The following SENP1 variants were observed in gnomAD, a reference collection of about 807,000 sequenced individuals.
The protein encoded by SENP1 is SUMO specific peptidase 1, also known as sentrin-specific protease 1.
SENP1 carries 21 observed loss-of-function variants against 93.0 expected under a neutral mutation model. That is an observed-to-expected ratio of 0.23 (90% CI 0.16 to 0.33). The LOEUF (loss-of-function observed/expected upper bound fraction) is 0.33, where lower values mean the gene tolerates loss of function less well. Ranked by LOEUF, SENP1 falls within the 10% of genes least tolerant of loss-of-function variation. SENP1 has a pLI of 1.00. For missense variants in SENP1, 591 were observed against 758.7 expected, an observed-to-expected ratio of 0.78 and a Z score of 2.60; for synonymous variants, 256 against 259.6, an observed-to-expected ratio of 0.99 and a Z score of 0.13.
chr12:48,048,700 T>C (rs1941559184), intron 14 of SENP1, among the ~76,000 whole-genome samples: 1 of 152,196 alleles, frequency 6.6e-6, no homozygotes, highest in African/African-American at 2.4e-5. Context: ...AGACACCCTA[T>C]AACTCTCTTT....
chr12:48,075,395 CA>C (rs1191346396), intron 6 of SENP1, among the ~76,000 whole-genome samples: 1 of 151,964 alleles, frequency 6.6e-6, no homozygotes, highest in African/African-American at 2.4e-5. Flanking sequence ...ACTTCTGAGT[CA>C]AAAAAGAGTC....
At chr12:48,085,891 C>T (rs568008165) in intron 5 of SENP1, among the ~76,000 whole-genome samples, 209 of 152,196 alleles carry the variant, frequency 1.4e-3, no homozygotes, top group South Asian at 3.7e-3. Flanking sequence ...ATTTGTGTTT[C>T]CCAGAGTATG....
chr12:48,090,442 C>A (rs1945143583), intron 4 of SENP1, among the ~76,000 whole-genome samples: 1 of 152,162 alleles, frequency 6.6e-6, no homozygotes, highest in South Asian at 2.1e-4. Flanking sequence ...ACAGAGACTG[C>A]AGCTTTAAAA....
intron 6 of SENP1, chr12:48,081,389 C>T (rs888116535): frequency 2.6e-5 from 4 of 151,910 alleles, no homozygotes; most frequent in Non-Finnish European, 4.4e-5. Flanking sequence ...CCCTGTACAA[C>T]GATGACATGA....
intron 13 of SENP1, among the ~76,000 whole-genome samples, chr12:48,061,233 C>T (rs1037915303): frequency 6.6e-6 from 1 of 152,004 alleles, no homozygotes; most frequent in African/African-American, 2.4e-5. Context: ...ATGATAAGAA[C>T]AATGTATCAG....
At chr12:48,081,886 A>G (rs1944516651) in intron 6 of SENP1, among the ~76,000 whole-genome samples, 3 of 148,654 alleles carry the variant, frequency 2.0e-5, no homozygotes, top group Admixed American at 6.7e-5. Flanking sequence ...TTCAATACAA[A>G]CTTTTTTTGT....
intron 3 of SENP1, 29 bp from the exon 4 acceptor site, chr12:48,096,456 T>G: frequency 6.8e-7 from 1 of 1,462,922 alleles, no homozygotes; most frequent in Non-Finnish European, 9.4e-7. Flanking sequence ...TTTTCTTAAG[T>G]CACATTTTTT....
chr12:48,095,485 G>A (rs1448132986), intron 4 of SENP1, among the ~76,000 whole-genome samples: 1 of 145,890 alleles, frequency 6.9e-6, no homozygotes, highest in African/African-American at 2.5e-5. Context: ...GCAGTGAGCT[G>A]AGATCACACC....
At chr12:48,096,959 A>G (rs552652294) in intron 3 of SENP1, among the ~76,000 whole-genome samples, 19 of 152,080 alleles carry the variant, frequency 1.2e-4, no homozygotes, top group Non-Finnish European at 2.8e-4. Flanking sequence ...ACTATAGCAG[A>G]ACTAAGACTA....
At chr12:48,100,551 C>T (rs61918810) in intron 2 of SENP1, among the ~76,000 whole-genome samples, 25,363 of 152,062 alleles carry the variant, frequency 0.17, 2,455 homozygotes, top group East Asian at 0.28. Flanking sequence ...AGGGGGATTG[C>T]TTGAACCCAG....
intron 13 of SENP1, among the ~76,000 whole-genome samples, chr12:48,060,856 G>T (rs868373351): frequency 9.9e-5 from 15 of 152,146 alleles, no homozygotes; most frequent in Non-Finnish European, 1.6e-4. Flanking sequence ...TGTCTTGATT[G>T]TAACAGTCTT....
chr12:48,087,531 T>C (rs1344549435), intron 5 of SENP1, among the ~76,000 whole-genome samples: 5 of 152,122 alleles, frequency 3.3e-5, no homozygotes, highest in African/African-American at 4.8e-5. Context: ...TCATACTATA[T>C]ATGAGTAAGA....
intron 13 of SENP1, among the ~76,000 whole-genome samples, chr12:48,060,559 TA>T (rs1942889293): frequency 6.6e-6 from 1 of 152,216 alleles, no homozygotes; most frequent in Non-Finnish European, 1.5e-5. Context: ...CTTTTGCAAC[TA>T]ATTTTTCCTC....
At chr12:48,079,448 G>A (rs1377584846) in intron 6 of SENP1, among the ~76,000 whole-genome samples, 2 of 152,058 alleles carry the variant, frequency 1.3e-5, no homozygotes, top group Non-Finnish European at 2.9e-5. Flanking sequence ...GCAGTGAGCC[G>A]AGATCGCGCC....
Position 48,046,991 on chromosome 12 carries a change from C to A in SENP1, c.1763G>T (p.Ser588Ile). ...EFDTNGWQLF[S>I]KKSQEIPQQM... ...GATGAAAGGTACCTGGCTTTTCTTG[C>A]TGAAAAGCTGCCAGCCATTGGTGTC... Residue 588 changes from serine to isoleucine, a missense_variant, in exon 16 of 18, where the codon AGC becomes ATC. Ser to Ile is a moderately radical substitution (Grantham distance 142). This residue lies in a region of SENP1 where 132 missense variants were observed against 230.1 expected (regional missense o/e 0.57). Coordinates refer to ENST00000549518, the MANE Select transcript of SENP1 (RefSeq NM_001267594.2). The A allele has an allele frequency of 6.2e-7, 1 of 1,609,942 alleles. No individual in the cohort carries two copies. The highest frequency in any genetic ancestry group is 8.5e-7 in the Non-Finnish European group (1 of 1,176,606).
chr12:48,105,691 C>T, intron 1 of SENP1: 1 of 459,436 alleles, frequency 2.2e-6, no homozygotes, highest in Non-Finnish European at 4.0e-6. Flanking sequence ...CGGGAAAGCC[C>T]CGGAATCGCA....
intron 4 of SENP1, among the ~76,000 whole-genome samples, chr12:48,091,720 C>T (rs1317357135): frequency 1.3e-5 from 2 of 152,100 alleles, no homozygotes; most frequent in African/African-American, 4.8e-5. Context: ...CCCTCTGTCC[C>T]CATGCTGGAG....
At chr12:48,105,774 CG>C (rs1946504183) in intron 1 of SENP1, 2 of 567,966 alleles carry the variant, frequency 3.5e-6, no homozygotes, top group Non-Finnish European at 6.3e-6. Context: ...GGTCTCTCCG[CG>C]GCCCAGGAGA....
chr12:48,085,066 C>T lies in SENP1; in HGVS notation c.381-1304G>A, dbSNP rs1243682821. On this transcript the variant is annotated intron_variant, in intron 5 of 17. Coordinates refer to ENST00000549518, the MANE Select transcript of SENP1 (RefSeq NM_001267594.2). ...GAGCTCTGCCTGGCTGCAGGGATGGCGGGGAGAAGGAAGCTCATCGCAGTG... is the reference window on the plus strand; with the variant it reads ...GAGCTCTGCCTGGCTGCAGGGATGGTGGGGAGAAGGAAGCTCATCGCAGTG... 1.1e-5 allele frequency: 14 copies of T among 1,289,684 alleles called. No individual in the cohort carries two copies. In the East Asian group the frequency reaches 2.4e-4, roughly 22 times the overall value. 79.9% of individuals were successfully genotyped at this position (1,289,684 alleles called of 1,614,324 possible).
Sources: gnomAD v4.1 joint callset for allele counts (sites outside exome capture counted in the v4.1 genomes callset) on GRCh38, gnomAD v4.1.1 for gene constraint, gnomAD v4.1.1 regional missense constraint, MANE v1.5 for transcripts, NCBI Gene and HGNC (gene_info 2026-07-23, HGNC 2026-07-21) for gene names.